Variants in AFF3 observed in about 807,000 individuals in gnomAD.
The protein encoded by AFF3 is ALF transcription elongation factor 3.
AFF3 carries 32 observed loss-of-function variants against 129.7 expected under a neutral mutation model. The ratio of observed to expected loss-of-function variants is 0.25; its 90% CI spans 0.19 to 0.33. The LOEUF is 0.33. AFF3 is among the 10% of genes least tolerant of loss of function. The probability of loss-of-function intolerance (pLI) is 1.00; values close to 1 mark genes in which losing one functional copy is unlikely to be tolerated. For missense variants in AFF3, 1,373 were observed against 1,592.0 expected (o/e 0.86, Z 2.34); for synonymous variants, 644 against 635.4 (o/e 1.01, Z -0.20).
rs185037816 is a variant in AFF3 at position 99,911,418 on chromosome 2, A to G, written c.874-73894T>C. Among the ~76,000 whole-genome samples the G allele has an allele frequency of 2.6e-3, 400 of 151,656 alleles. 1 individual carries two copies. The highest frequency in any genetic ancestry group is 6.8e-3 in the Middle Eastern group (2 of 294). ...AAAAAAAAAAAAAGAAAGAAAATGC[A>G]CTTTTTATGCTGAGGGACAGGCAGT... On this transcript the variant is annotated intron_variant, in intron 7 of 24. Transcript: ENST00000672756.
rs75014939 is a variant in AFF3 at position 100,110,542 on chromosome 2, T to C, written c.-144-4959A>G. On this transcript the variant is annotated intron_variant, in intron 2 of 24. Coordinates refer to ENST00000672756, the MANE Select transcript of AFF3 (RefSeq NM_001386135.1). ...AGCTGCAAATGCAGCAATTATGGCT[T>C]ACAGCCTGAAAATGGTGACATTCCA... is the stretch of plus-strand genomic sequence containing the variant. Among the ~76,000 whole-genome samples, 20 of 152,322 alleles carry C rather than the reference T, an allele frequency of 1.3e-4. No individual in the cohort carries two copies. The East Asian group carries it at 3.9e-3, about 29-fold the overall frequency.
In AFF3 at chr2:99,847,241, T is replaced by A. The variant is rs1576174023; in HGVS notation, c.874-9717A>T. On this transcript the variant is annotated intron_variant, in intron 7 of 24. Transcript: ENST00000672756. ...GCCAGGCTGGAGTGCAATGGCGCTATCTTGGCTCACTGCAACCTCCGCCTC... is the reference window on the plus strand; with the variant it reads ...GCCAGGCTGGAGTGCAATGGCGCTAACTTGGCTCACTGCAACCTCCGCCTC... Among the ~76,000 whole-genome samples, 3 of 152,034 alleles carry A rather than the reference T, an allele frequency of 2.0e-5. No homozygotes were observed. In the Middle Eastern group the frequency reaches 0.01, roughly 517 times the overall value.
At chr2:100,021,326 G>A (rs56935201) in intron 4 of AFF3, among the ~76,000 whole-genome samples, 22,644 of 152,128 alleles carry the variant, frequency 0.15, 2,038 homozygotes, top group East Asian at 0.29. Context: ...CCTGAAACAC[G>A]CAACCTGGTT....
chr2:99,651,288 C>T (rs1685228175), intron 12 of AFF3, among the ~76,000 whole-genome samples: 1 of 152,058 alleles, frequency 6.6e-6, no homozygotes, highest in African/African-American at 2.4e-5. Context: ...TATCTCTGGG[C>T]CCAATGAGGC....
intron 7 of AFF3, among the ~76,000 whole-genome samples, chr2:99,837,839 T>C (rs1380291215): frequency 6.6e-6 from 1 of 152,076 alleles, no homozygotes; most frequent in Admixed American, 6.5e-5. Context: ...ATGAGCTCCA[T>C]CCACCTTGGG....
At chr2:99,630,009 G>A (rs191014772) in intron 13 of AFF3, among the ~76,000 whole-genome samples, 1 of 152,350 alleles carries the variant, frequency 6.6e-6, no homozygotes, top group East Asian at 1.9e-4. Context: ...CTAGTGACAA[G>A]TACCATGTTT....
chr2:99,837,610 C>CT (rs5832886), intron 7 of AFF3, 86 bp from the exon 8 acceptor site: 866,768 of 1,261,772 alleles, frequency 0.69, 303,261 homozygotes, highest in South Asian at 0.79. Flanking sequence ...TTAGTCCCCC[C>CT]CAACAAAAAA....
At chr2:99,922,260 A>T (rs1695910142) in intron 7 of AFF3, among the ~76,000 whole-genome samples, 1 of 152,228 alleles carries the variant, frequency 6.6e-6, no homozygotes, top group East Asian at 1.9e-4. Context: ...TATCTACAGA[A>T]ATTCCTATAT....
chr2:99,960,746 C>A (rs916950818), intron 7 of AFF3, among the ~76,000 whole-genome samples: 2 of 152,166 alleles, frequency 1.3e-5, no homozygotes, highest in African/African-American at 4.8e-5. Flanking sequence ...GGGCTTGCTG[C>A]ATTTGGGGAA....
At chr2:100,103,869 A>G (rs942185073) in intron 4 of AFF3, among the ~76,000 whole-genome samples, 1 of 151,726 alleles carries the variant, frequency 6.6e-6, no homozygotes, top group African/African-American at 2.4e-5. Context: ...CCTGCCCTGG[A>G]TGTTCACTTT....
chr2:99,821,468 C>T (rs1419736238), intron 8 of AFF3, among the ~76,000 whole-genome samples: 1 of 114,218 alleles, frequency 8.8e-6, no homozygotes, highest in Admixed American at 8.8e-5. Flanking sequence ...AGCTGATGAG[C>T]TAAAAAAAAG....
intron 4 of AFF3, among the ~76,000 whole-genome samples, chr2:100,023,267 A>G (rs1458512485): frequency 1.3e-5 from 2 of 152,244 alleles, no homozygotes; most frequent in Admixed American, 6.5e-5. Flanking sequence ...AGTTAAGCGC[A>G]TACTATAATA....
intron 8 of AFF3, among the ~76,000 whole-genome samples, chr2:99,802,867 T>C (rs1344888374): frequency 6.6e-6 from 1 of 152,046 alleles, no homozygotes; most frequent in African/African-American, 2.4e-5. Flanking sequence ...GTGGAGTCTT[T>C]AGGGTTTTCT....
At position 99,593,788 on chromosome 2, in the gene AFF3, T is replaced by C; in HGVS notation, c.1873A>G (p.Thr625Ala). The change falls in exon 15 of 25, where the codon ACC (threonine) becomes GCC (alanine). Residue 625 changes from threonine (T) to alanine (A), a missense_variant. Physicochemically the swap from Thr to Ala is moderately conservative, Grantham distance 58. Coordinates refer to ENST00000672756, the MANE Select transcript of AFF3 (RefSeq NM_001386135.1). ...TTGTTGCCACAGGGCCTGGTTTTGG[T>C]GGGCTCCGGGGGGACCACCACGCTC... ...GTSVVVPPEP[T>A]KTRPCGNNRA... 6.2e-7 allele frequency: 1 copy of C among 1,611,944 alleles called. No individual in the cohort carries two copies. The highest frequency in any genetic ancestry group is 1.1e-5 in the South Asian group (1 of 91,032).
intron 7 of AFF3, among the ~76,000 whole-genome samples, chr2:99,966,045 A>C (rs546878925): frequency 6.6e-5 from 10 of 152,200 alleles, no homozygotes; most frequent in Non-Finnish European, 1.3e-4. Flanking sequence ...CAAGATATTA[A>C]AATTATTACA....
intron 16 of AFF3, 98 bp from the exon 17 acceptor site, chr2:99,583,097 G>A (rs1677739624): frequency 1.9e-6 from 2 of 1,050,604 alleles, no homozygotes; most frequent in Non-Finnish European, 2.8e-6. Context: ...GGACCTGTTG[G>A]TAGGAGAAGC....
At chr2:99,746,939 C>T (rs972212784) in intron 9 of AFF3, among the ~76,000 whole-genome samples, 2 of 147,224 alleles carry the variant, frequency 1.4e-5, no homozygotes, top group African/African-American at 5.0e-5. Flanking sequence ...TAGTTTCCAG[C>T]ATTAAGCTTA....
At chr2:99,916,752 T>C (rs1695501316) in intron 7 of AFF3, among the ~76,000 whole-genome samples, 1 of 151,964 alleles carries the variant, frequency 6.6e-6, no homozygotes, top group African/African-American at 2.4e-5. Flanking sequence ...TAGGCAGAAT[T>C]AGGAGCCACT....
intron 2 of AFF3, among the ~76,000 whole-genome samples, chr2:100,116,542 G>A (rs1243209249): frequency 6.6e-6 from 1 of 151,994 alleles, no homozygotes; most frequent in Non-Finnish European, 1.5e-5. Context: ...GAACTTGAAA[G>A]TAAATCATGA....
Sources: allele counts gnomAD v4.1 joint callset (sites outside exome capture counted in the v4.1 genomes callset), GRCh38; gene constraint gnomAD v4.1.1; transcripts MANE v1.5; gene names NCBI Gene and HGNC (gene_info 2026-07-23, HGNC 2026-07-21).